The following LRMDA variants were observed in gnomAD, a reference collection of about 807,000 sequenced individuals.
LRMDA encodes leucine rich melanocyte differentiation associated, also known as leucine-rich melanocyte differentiation-associated protein.
In LRMDA, 18 loss-of-function variants were observed where a neutral mutation model predicts 29.8. The observed-to-expected ratio is 0.60, with a 90% confidence interval of 0.42 to 0.90. The LOEUF (loss-of-function observed/expected upper bound fraction) is 0.90, where lower values mean the gene tolerates loss of function less well. Ranked by LOEUF, LRMDA falls within the 40% of genes least tolerant of loss-of-function variation. LRMDA has a pLI of 0.00. For synonymous variants in LRMDA, 125 were observed against 109.4 expected, an observed-to-expected ratio of 1.14 and a Z score of -0.89; for missense variants, 273 against 273.9, an observed-to-expected ratio of 1.00 and a Z score of 0.02.
intron 2 of LRMDA, among the ~76,000 whole-genome samples, chr10:75,477,272 C>T (rs181415979): frequency 2.1e-4 from 32 of 152,236 alleles, no homozygotes; most frequent in African/African-American, 7.5e-4. Context: ...GTGAAGACAC[C>T]AGTCATGTTG....
chr10:76,003,514 C>T (rs1376180190), intron 2 of LRMDA, among the ~76,000 whole-genome samples: 4 of 152,202 alleles, frequency 2.6e-5, no homozygotes, highest in South Asian at 2.1e-4. Flanking sequence ...AAATATGTCT[C>T]ATAAAGACGT....
rs772144582 is a variant in LRMDA, at chr10:76,556,338, GT to G, written c.602-862del. On this transcript the variant is annotated intron_variant, in intron 6 of 6. Transcript: ENST00000611255. Reference sequence around the variant, plus strand: ...AGGCTCTTGTTCCTGTCCATGTGGTGTTTTTTTTTGTTTTTGTTTTTTTGTT... The same window carrying G: ...AGGCTCTTGTTCCTGTCCATGTGGTGTTTTTTTTGTTTTTGTTTTTTTGTT... The G allele has an allele frequency of 1.3e-4, 20 of 150,728 alleles. No homozygotes were observed. In the East Asian group the frequency reaches 1.8e-3, roughly 13 times the overall value. The allele number at this position is 150,728 out of a possible 1,614,324, so 9.3% of individuals were successfully genotyped here. A position where few individuals can be genotyped will look rare whatever the true frequency, so the allele number is the denominator to read the frequency against.
At chr10:76,529,476 A>C (rs910977338) in intron 6 of LRMDA, among the ~76,000 whole-genome samples, 3 of 152,052 alleles carry the variant, frequency 2.0e-5, no homozygotes, top group Non-Finnish European at 4.4e-5. Context: ...AGAAATTTGC[A>C]CCCAAGTTAT....
intron 5 of LRMDA, among the ~76,000 whole-genome samples, chr10:76,265,091 C>G (rs1329971369): frequency 6.6e-6 from 1 of 152,146 alleles, no homozygotes; most frequent in Non-Finnish European, 1.5e-5. Flanking sequence ...TATATTTGAT[C>G]CCCATGGCCT....
chr10:76,139,751 T>G (rs1850164996), intron 5 of LRMDA, among the ~76,000 whole-genome samples: 1 of 152,216 alleles, frequency 6.6e-6, no homozygotes, highest in African/African-American at 2.4e-5. Context: ...TAGACACACC[T>G]AGGGGACCCA....
At chr10:76,390,918 G>T (rs918931676) in intron 6 of LRMDA, among the ~76,000 whole-genome samples, 2 of 152,172 alleles carry the variant, frequency 1.3e-5, no homozygotes, top group East Asian at 3.9e-4. Flanking sequence ...GGGCCTGTTT[G>T]TGTATTCACG....
intron 2 of LRMDA, among the ~76,000 whole-genome samples, chr10:75,493,396 A>G (rs994550604): frequency 4.8e-5 from 6 of 125,750 alleles, no homozygotes; most frequent in African/African-American, 2.0e-4. Flanking sequence ...TGTGAAGTCC[A>G]TGAAATCAGA....
In LRMDA at chr10:75,435,668, G is replaced by A. The variant is rs1844255722; in HGVS notation, c.31-2726G>A. ...TAGTTAAGACCATGTACTGAAACAG[G>A]CTGCTGACAGTCTCATCAGATGTTG... On this transcript the variant is annotated intron_variant, in intron 1 of 6. Transcript: ENST00000611255. Among the ~76,000 whole-genome samples the A allele has an allele frequency of 7.2e-5, 11 of 152,320 alleles. No homozygotes were observed. In the South Asian group the frequency reaches 2.3e-3, roughly 32 times the overall value.
chr10:76,448,079 G>A (rs970962924), intron 6 of LRMDA, among the ~76,000 whole-genome samples: 4 of 152,030 alleles, frequency 2.6e-5, no homozygotes, highest in African/African-American at 9.7e-5. Flanking sequence ...AAGAATAGAT[G>A]TTCATTAACA....
At chr10:75,861,792 A>G (rs900947653) in intron 2 of LRMDA, among the ~76,000 whole-genome samples, 1 of 152,126 alleles carries the variant, frequency 6.6e-6, no homozygotes, top group Non-Finnish European at 1.5e-5. Context: ...GTTCCCTTTT[A>G]TGGTGACTCT....
At chr10:76,462,105 A>C (rs1037650991) in intron 6 of LRMDA, among the ~76,000 whole-genome samples, 7 of 151,586 alleles carry the variant, frequency 4.6e-5, no homozygotes, top group African/African-American at 9.7e-5. Context: ...AAACAACAAC[A>C]ACCAAAAAAA....
chr10:76,200,875 G>A (rs111923758), intron 5 of LRMDA, among the ~76,000 whole-genome samples: 58 of 150,556 alleles, frequency 3.9e-4, no homozygotes, highest in African/African-American at 1.4e-3. Flanking sequence ...CTGCCACCAC[G>A]CCCAGCTAAT....
chr10:76,160,075 C>A (rs1424163802), intron 5 of LRMDA, among the ~76,000 whole-genome samples: 1 of 152,016 alleles, frequency 6.6e-6, no homozygotes, highest in Non-Finnish European at 1.5e-5. Flanking sequence ...ACAATTGTGC[C>A]ACTCTGGTGG....
At chr10:75,782,831 G>T in intron 2 of LRMDA, 1 of 1,481,750 alleles carries the variant, frequency 6.7e-7, no homozygotes, top group Non-Finnish European at 9.0e-7. Context: ...CAGCGCCGGC[G>T]TGCATGTGTT....
At chr10:76,097,711 A>C (rs1228265488) in intron 5 of LRMDA, among the ~76,000 whole-genome samples, 1 of 152,178 alleles carries the variant, frequency 6.6e-6, no homozygotes, top group African/African-American at 2.4e-5. Flanking sequence ...GTATATGGTG[A>C]ATTTCATTGA....
chr10:76,179,745 A>G (rs1564676644), intron 5 of LRMDA, among the ~76,000 whole-genome samples: 1 of 152,172 alleles, frequency 6.6e-6, no homozygotes, highest in Non-Finnish European at 1.5e-5. Flanking sequence ...TGCCTTCAAT[A>G]TGAGCCTGGA....
At chr10:75,503,728 A>G (rs1845141324) in intron 2 of LRMDA, among the ~76,000 whole-genome samples, 1 of 151,898 alleles carries the variant, frequency 6.6e-6, no homozygotes, top group Non-Finnish European at 1.5e-5. Flanking sequence ...TTTTTTTGAT[A>G]TTACAGTAGT....
At chr10:75,892,352 C>A (rs1289283273) in intron 2 of LRMDA, among the ~76,000 whole-genome samples, 1 of 152,176 alleles carries the variant, frequency 6.6e-6, no homozygotes. Context: ...TGGCTCAGCC[C>A]AGGGAGCTCT....
At chr10:76,365,526 TG>T (rs1416698744) in intron 6 of LRMDA, among the ~76,000 whole-genome samples, 1 of 152,236 alleles carries the variant, frequency 6.6e-6, no homozygotes, top group East Asian at 1.9e-4. Flanking sequence ...TTCATATGTT[TG>T]TTGGCCATTT....
Sources: allele counts gnomAD v4.1 joint callset (sites outside exome capture counted in the v4.1 genomes callset), GRCh38; gene constraint gnomAD v4.1.1; transcripts MANE v1.5; gene names NCBI Gene and HGNC (gene_info 2026-07-23, HGNC 2026-07-21).